Variants in PDE10A observed in about 807,000 individuals in gnomAD.
PDE10A encodes the protein cAMP and cAMP-inhibited cGMP 3',5'-cyclic phosphodiesterase 10A.
A neutral mutation model predicts 97.7 loss-of-function variants in PDE10A; 39 were observed. The observed-to-expected ratio is 0.40, with a 90% CI of 0.31 to 0.52. PDE10A has a LOEUF of 0.52. Among genes scored for constraint, PDE10A ranks in the 20% least tolerant of loss-of-function variants. The pLI, the probability that PDE10A is intolerant of heterozygous loss-of-function variation, is 0.56. For missense variants in PDE10A, 731 were observed against 1,047.8 expected, an observed-to-expected ratio of 0.70 and a Z score of 4.17; for synonymous variants, 371 against 376.8, an observed-to-expected ratio of 0.98 and a Z score of 0.18.
intron 17 of PDE10A, among the ~76,000 whole-genome samples, chr6:165,383,731 C>G (rs1391269403): frequency 6.6e-6 from 1 of 152,122 alleles, no homozygotes; most frequent in Non-Finnish European, 1.5e-5. Context: ...GGAAGCTAAA[C>G]TCACAAACAG....
chr6:165,359,795 A>G (rs577908493), intron 18 of PDE10A, among the ~76,000 whole-genome samples: 29 of 142,382 alleles, frequency 2.0e-4, no homozygotes, highest in Non-Finnish European at 4.0e-4. Flanking sequence ...CATCTGTCAC[A>G]TATCTTTTTT....
intron 1 of PDE10A, among the ~76,000 whole-genome samples, chr6:165,747,984 A>G (rs1196026890): frequency 6.6e-6 from 1 of 152,122 alleles, no homozygotes; most frequent in East Asian, 1.9e-4. Flanking sequence ...CTTCCAGACT[A>G]TTGTTGCCGC....
chr6:165,966,178 T>G (rs181707875), intron 1 of PDE10A, among the ~76,000 whole-genome samples: 8 of 152,240 alleles, frequency 5.3e-5, no homozygotes, highest in Admixed American at 3.3e-4. Context: ...GATGTAGAGA[T>G]GAAATGTCTG....
chr6:165,342,200 G>T (rs1376716879), intron 19 of PDE10A, among the ~76,000 whole-genome samples: 1 of 151,784 alleles, frequency 6.6e-6, no homozygotes, highest in Non-Finnish European at 1.5e-5. Context: ...ATATTTCTAG[G>T]ATATGTTGTT....
At chr6:165,378,766 G>C (rs1447025025) in intron 18 of PDE10A, among the ~76,000 whole-genome samples, 1 of 152,166 alleles carries the variant, frequency 6.6e-6, no homozygotes, top group East Asian at 1.9e-4. Flanking sequence ...TCAATAAAAG[G>C]GGAGTCCAGT....
rs138281688 is a variant in PDE10A at position 165,841,565 on chromosome 6, A to C, written c.-615+145964T>G. On this transcript the variant is annotated intron_variant, in intron 1 of 19. Transcript: ENST00000366882. ...AGCTGCTTGCTCTCTCAACAGTTAA[A>C]ACAGTTTGATGTGGAGGCTGTGTCT... Among the ~76,000 whole-genome samples, 952 of 152,354 alleles carry C rather than the reference A, an allele frequency of 6.2e-3. 2 individuals carry two copies. Among genetic ancestry groups the C allele is most frequent in the Admixed American group, 0.01 (158 of 15,310 alleles).
intron 2 of PDE10A, among the ~76,000 whole-genome samples, chr6:165,535,736 T>C (rs1160356286): frequency 6.6e-6 from 1 of 151,822 alleles, no homozygotes; most frequent in Non-Finnish European, 1.5e-5. Flanking sequence ...CTTTTCTATA[T>C]AATGATTTAT....
At chr6:165,742,334 A>G (rs1459311676) in intron 1 of PDE10A, among the ~76,000 whole-genome samples, 1 of 152,128 alleles carries the variant, frequency 6.6e-6, no homozygotes, top group Non-Finnish European at 1.5e-5. Flanking sequence ...CGTCCTTTGC[A>G]TATGTCATGT....
chr6:165,841,840 G>A (rs1780269696), intron 1 of PDE10A, among the ~76,000 whole-genome samples: 2 of 152,146 alleles, frequency 1.3e-5, no homozygotes, highest in South Asian at 4.1e-4. Context: ...GATTTTAATG[G>A]CCAGAGCAGA....
intron 1 of PDE10A, among the ~76,000 whole-genome samples, chr6:165,782,248 C>T (rs1210320140): frequency 6.6e-6 from 1 of 152,212 alleles, no homozygotes; most frequent in African/African-American, 2.4e-5. Context: ...GATTTTACTG[C>T]CATCCTCCTC....
At chr6:165,928,582 A>G (rs1783019886) in intron 1 of PDE10A, among the ~76,000 whole-genome samples, 1 of 152,246 alleles carries the variant, frequency 6.6e-6, no homozygotes, top group Admixed American at 6.5e-5. Context: ...AGACCATGGC[A>G]GAGCAAAAGG....
chr6:165,384,020 A>G (rs1785095052), intron 17 of PDE10A, among the ~76,000 whole-genome samples: 1 of 152,140 alleles, frequency 6.6e-6, no homozygotes, highest in South Asian at 2.1e-4. Flanking sequence ...TGGAACAGAC[A>G]GGGGCCACTC....
At chr6:165,575,523 T>C (rs1189573693) in intron 1 of PDE10A, among the ~76,000 whole-genome samples, 3 of 152,202 alleles carry the variant, frequency 2.0e-5, no homozygotes, top group Non-Finnish European at 4.4e-5. Context: ...CTCACTCAGT[T>C]ATTTCCCCTT....
intron 18 of PDE10A, among the ~76,000 whole-genome samples, chr6:165,355,520 T>C (rs1300833880): frequency 6.6e-6 from 1 of 152,226 alleles, no homozygotes; most frequent in Admixed American, 6.5e-5. Context: ...TGTCTCATGA[T>C]TCAGAGTTCA....
intron 1 of PDE10A, among the ~76,000 whole-genome samples, chr6:165,577,526 G>A (rs1244133350): frequency 6.6e-6 from 1 of 152,200 alleles, no homozygotes; most frequent in Non-Finnish European, 1.5e-5. Context: ...CAAGGGCACA[G>A]GCGACCCCCA....
chr6:165,759,003 T>C (rs922346466), intron 1 of PDE10A, among the ~76,000 whole-genome samples: 3 of 152,202 alleles, frequency 2.0e-5, no homozygotes, highest in African/African-American at 7.2e-5. Flanking sequence ...CAAGGCGATT[T>C]GAGGCCACAC....
At chr6:165,592,498 A>G (rs1786337966) in intron 1 of PDE10A, among the ~76,000 whole-genome samples, 1 of 152,230 alleles carries the variant, frequency 6.6e-6, no homozygotes, top group African/African-American at 2.4e-5. Flanking sequence ...AGAAACTATC[A>G]TCGGAGTTAA....
chr6:165,647,099 T>C (rs1265534498), intron 1 of PDE10A, among the ~76,000 whole-genome samples: 1 of 152,060 alleles, frequency 6.6e-6, no homozygotes, highest in Non-Finnish European at 1.5e-5. Context: ...GTAAATTAAA[T>C]TACAAAAGAA....
intron 3 of PDE10A, among the ~76,000 whole-genome samples, chr6:165,470,761 A>G (rs1243196832): frequency 6.6e-6 from 1 of 151,916 alleles, no homozygotes; most frequent in Non-Finnish European, 1.5e-5. Context: ...AGGACCTGGG[A>G]GGCTGACAGG....
Sources: allele counts gnomAD v4.1 joint callset (sites outside exome capture counted in the v4.1 genomes callset), GRCh38; gene constraint gnomAD v4.1.1; transcripts MANE v1.5; gene names NCBI Gene and HGNC (gene_info 2026-07-23, HGNC 2026-07-21).